ARHGAP21: variants seen among roughly 807,000 people sequenced by gnomAD.
ARHGAP21 encodes the protein rho GTPase-activating protein 21.
A neutral mutation model predicts 164.6 loss-of-function variants in ARHGAP21; 38 were observed. That is an observed-to-expected ratio of 0.23 (90% CI 0.18 to 0.30). ARHGAP21 has a LOEUF of 0.30. ARHGAP21 is among the 10% of genes least tolerant of loss of function. The pLI is 1.00. For missense variants in ARHGAP21, 1,822 were observed against 2,370.7 expected, an observed-to-expected ratio of 0.77 and a Z score of 4.81; for synonymous variants, 766 against 857.9, an observed-to-expected ratio of 0.89 and a Z score of 1.87.
intron 4 of ARHGAP21, among the ~76,000 whole-genome samples, chr10:24,664,111 C>A (rs1244983156): frequency 6.6e-6 from 1 of 152,170 alleles, no homozygotes; most frequent in Non-Finnish European, 1.5e-5. Flanking sequence ...TCTACTATAT[C>A]GCTCTTTGTT....
intron 4 of ARHGAP21, among the ~76,000 whole-genome samples, chr10:24,645,873 G>C (rs1395497270): frequency 6.6e-6 from 1 of 152,166 alleles, no homozygotes; most frequent in Non-Finnish European, 1.5e-5. Context: ...AGAACAATAA[G>C]CAGAGTGAGA....
intron 4 of ARHGAP21, among the ~76,000 whole-genome samples, chr10:24,658,236 A>G (rs903531755): frequency 6.6e-6 from 1 of 152,168 alleles, no homozygotes; most frequent in Non-Finnish European, 1.5e-5. Flanking sequence ...GGGATTGTAA[A>G]CTAGTTCAAC....
At chr10:24,589,993 G>T (rs886753073) in intron 24 of ARHGAP21, 27 of 200,998 alleles carry the variant, frequency 1.3e-4, no homozygotes, top group South Asian at 7.0e-4. Flanking sequence ...GAAAAATGGA[G>T]ACCATAATTT....
At chr10:24,628,386 A>G (rs975744805) in intron 7 of ARHGAP21, among the ~76,000 whole-genome samples, 2 of 152,056 alleles carry the variant, frequency 1.3e-5, no homozygotes, top group African/African-American at 4.8e-5. Flanking sequence ...TATAGTTTAC[A>G]TGTCAGTGAA....
At chr10:24,598,600 G>A (rs2076681213) in intron 14 of ARHGAP21, among the ~76,000 whole-genome samples, 1 of 151,978 alleles carries the variant, frequency 6.6e-6, no homozygotes, top group Non-Finnish European at 1.5e-5. Flanking sequence ...ATGCTATATG[G>A]TAAACCCAGA....
chr10:24,717,189 G>A (rs1268060151), intron 2 of ARHGAP21, among the ~76,000 whole-genome samples: 2 of 152,174 alleles, frequency 1.3e-5, no homozygotes, highest in African/African-American at 2.4e-5. Context: ...GGATGTCGAG[G>A]AAACCTCAAA....
intron 4 of ARHGAP21, among the ~76,000 whole-genome samples, chr10:24,663,951 G>A (rs998612919): frequency 3.9e-5 from 6 of 152,170 alleles, no homozygotes; most frequent in African/African-American, 1.4e-4. Flanking sequence ...TGTGTATAAA[G>A]AGGGTACATT....
intron 4 of ARHGAP21, among the ~76,000 whole-genome samples, chr10:24,665,034 T>C (rs1214006904): frequency 2.0e-5 from 3 of 152,206 alleles, no homozygotes; most frequent in Admixed American, 2.0e-4. Context: ...CTAGATGCTG[T>C]GTGTCCAGTA....
At chr10:24,590,385 A>G (rs2076278921) in intron 24 of ARHGAP21, 2 of 1,535,316 alleles carry the variant, frequency 1.3e-6, no homozygotes, top group African/African-American at 1.4e-5. Flanking sequence ...AGTGTGGACA[A>G]CAGTCCTCCT....
chr10:24,641,995 T>TG (rs1290562721), intron 4 of ARHGAP21, among the ~76,000 whole-genome samples: 4 of 135,118 alleles, frequency 3.0e-5, no homozygotes, highest in African/African-American at 9.1e-5. Context: ...GACTCCATCT[T>TG]GGAAAAAAAA....
chr10:24,655,514 G>GA (rs1174607621), intron 4 of ARHGAP21, among the ~76,000 whole-genome samples: 1 of 152,248 alleles, frequency 6.6e-6, no homozygotes, highest in Non-Finnish European at 1.5e-5. Context: ...ACAGACACAT[G>GA]AAAAAATGCT....
Position 24,595,706 on chromosome 10 carries a change from A to G in ARHGAP21, c.3712+11T>C. 4 of 1,605,892 alleles carry G rather than the reference A, an allele frequency of 2.5e-6. No homozygotes were observed. The highest frequency in any genetic ancestry group is 3.4e-6 in the Non-Finnish European group (4 of 1,173,834). On this transcript the variant is annotated intron_variant, in intron 19 of 25. Coordinates refer to ENST00000396432, the MANE Select transcript of ARHGAP21 (RefSeq NM_020824.4). Reference sequence around the variant, plus strand: ...CATTTCATCTGGTATCTTTCACGGGAGTTAACTCACCATTTGTGAAGAGAG... The same window carrying G: ...CATTTCATCTGGTATCTTTCACGGGGGTTAACTCACCATTTGTGAAGAGAG...
chr10:24,660,030 A>G (rs1281432750), intron 4 of ARHGAP21, among the ~76,000 whole-genome samples: 2 of 152,140 alleles, frequency 1.3e-5, no homozygotes, highest in African/African-American at 2.4e-5. Context: ...ATTAGCTGCC[A>G]CCACCACCAC....
chr10:24,647,610 G>C (rs969087174), intron 4 of ARHGAP21, among the ~76,000 whole-genome samples: 1 of 152,124 alleles, frequency 6.6e-6, no homozygotes, highest in Non-Finnish European at 1.5e-5. Context: ...CAAGATGGTG[G>C]TCATCATTAG....
chr10:24,584,442 G>A lies in ARHGAP21; in HGVS notation c.5847C>T (p.Gly1949=). 2 of 1,612,516 alleles carry A rather than the reference G, an allele frequency of 1.2e-6. No homozygotes were observed. Among genetic ancestry groups the A allele is most frequent in the Non-Finnish European group, 1.7e-6 (2 of 1,179,180 alleles). Residue 1949 remains glycine, a synonymous_variant, in exon 26 of 26, where the codon GGC becomes GGT. Transcript: ENST00000396432. ...AQPHKLSETP[G]SKAEFHPCL Reference sequence around the variant, plus strand: ...GACAGGGATGAAACTCTGCTTTACTGCCTGGGGTTTCAGACAGTTTATGAG... The same window carrying A: ...GACAGGGATGAAACTCTGCTTTACTACCTGGGGTTTCAGACAGTTTATGAG...
At chr10:24,608,604 T>G (rs914419004) in intron 9 of ARHGAP21, among the ~76,000 whole-genome samples, 40 of 152,196 alleles carry the variant, frequency 2.6e-4, no homozygotes, top group African/African-American at 9.4e-4. Flanking sequence ...ATGCCTGGAT[T>G]TAAAAGGTCC....
chr10:24,584,312 A>T lies in ARHGAP21; in HGVS notation c.*100T>A. 1 of 1,368,650 alleles carries T rather than the reference A, an allele frequency of 7.3e-7. No homozygotes were observed. Among genetic ancestry groups the T allele is most frequent in the Admixed American group, 2.3e-5 (1 of 43,290 alleles). The allele number at this position is 1,368,650 out of a possible 1,614,324, so 84.8% of individuals were successfully genotyped here. On this transcript the variant is annotated 3_prime_UTR_variant, in exon 26 of 26. Transcript: ENST00000396432. ...AAAATGATGAAACCAGCCCAAATGA[A>T]GGCTGCATAATAACAATTCTGATAC...
intron 9 of ARHGAP21, among the ~76,000 whole-genome samples, chr10:24,617,894 G>A (rs1421973116): frequency 6.6e-6 from 1 of 152,142 alleles, no homozygotes; most frequent in Admixed American, 6.5e-5. Context: ...CTACAAGTAT[G>A]GCCTTGGTTG....
chr10:24,689,969 T>C (rs1457594829), intron 2 of ARHGAP21, among the ~76,000 whole-genome samples: 6 of 150,524 alleles, frequency 4.0e-5, no homozygotes, highest in East Asian at 1.9e-4. Context: ...TGTGTGTATA[T>C]ACACATACAC....
Sources: gnomAD v4.1 joint callset for allele counts (sites outside exome capture counted in the v4.1 genomes callset) on GRCh38, gnomAD v4.1.1 for gene constraint, MANE v1.5 for transcripts, NCBI Gene and HGNC (gene_info 2026-07-23, HGNC 2026-07-21) for gene names.